Variants in CFAP58 observed in about 807,000 individuals in gnomAD.
The protein encoded by CFAP58 is cilia and flagella associated protein 58.
In CFAP58, 88 loss-of-function variants were observed where a neutral mutation model predicts 119.5. The ratio of observed to expected loss-of-function variants is 0.74; its 90% CI spans 0.62 to 0.88. The LOEUF (loss-of-function observed/expected upper bound fraction) is 0.88. Ranked by LOEUF, CFAP58 falls within the 40% of genes least tolerant of loss-of-function variation. CFAP58 has a pLI of 0.00. For missense variants in CFAP58, 990 were observed against 1,021.2 expected (o/e 0.97, Z 0.42); for synonymous variants, 365 against 366.3 (o/e 1.00, Z 0.04).
intron 6 of CFAP58, among the ~76,000 whole-genome samples, chr10:104,370,496 C>T (rs1050211576): frequency 6.6e-6 from 1 of 152,060 alleles, no homozygotes; most frequent in Non-Finnish European, 1.5e-5. Context: ...CATCAGATCT[C>T]GTGAGACTTA....
chr10:104,344,723 G>A, the CFAP58 span, among the ~76,000 whole-genome samples: 4 of 152,174 alleles, frequency 2.6e-5, no homozygotes, highest in East Asian at 7.7e-4. Flanking sequence ...ATTTAAAAAG[G>A]TTTGAGGCTT....
chr10:104,437,785 A>C (rs1250174655), intron 15 of CFAP58, among the ~76,000 whole-genome samples: 4 of 152,216 alleles, frequency 2.6e-5, no homozygotes, highest in African/African-American at 9.6e-5. Context: ...GCTAACAGAA[A>C]TATTTTAAAA....
intron 15 of CFAP58, among the ~76,000 whole-genome samples, chr10:104,420,785 C>T (rs540951284): frequency 5.9e-5 from 8 of 135,512 alleles, no homozygotes; most frequent in East Asian, 4.4e-4. Context: ...CAGCGTCTCA[C>T]TCTGGTGTTC....
chr10:104,426,192 T>C (rs1028043068), intron 15 of CFAP58, among the ~76,000 whole-genome samples: 1 of 152,196 alleles, frequency 6.6e-6, no homozygotes, highest in Admixed American at 6.5e-5. Context: ...TGAGCTGTGA[T>C]GGTTTCAGTG....
chr10:104,382,324 G>C, intron 9 of CFAP58: 1 of 590,960 alleles, frequency 1.7e-6, no homozygotes, highest in South Asian at 2.1e-5. Flanking sequence ...GGGCCCTGTA[G>C]GGTGAGGCAG....
the CFAP58 span, among the ~76,000 whole-genome samples, chr10:104,348,308 G>A: frequency 1.3e-5 from 2 of 152,136 alleles, no homozygotes; most frequent in African/African-American, 4.8e-5. Context: ...AGGCCTGCAA[G>A]TCAGTGTTTC....
chr10:104,437,320 G>A (rs1346106857), intron 15 of CFAP58, among the ~76,000 whole-genome samples: 2 of 152,182 alleles, frequency 1.3e-5, no homozygotes, highest in Non-Finnish European at 2.9e-5. Context: ...TCTCTCAAAT[G>A]TGAGATTGTG....
chr10:104,415,151 C>T (rs2012529383), intron 15 of CFAP58, among the ~76,000 whole-genome samples: 1 of 152,142 alleles, frequency 6.6e-6, no homozygotes, highest in Non-Finnish European at 1.5e-5. Context: ...CTAAGCAAGG[C>T]TCTGGAGTGG....
chr10:104,400,889 T>G lies in CFAP58; in HGVS notation c.2025T>G (p.Asn675Lys). The change falls in exon 13 of 18, where the codon AAT becomes AAG. Residue 675 changes from asparagine to lysine, a missense_variant. Transcript: ENST00000369704. ...GGATTCTTGCCAGGAGTATGGCTAATGTTGAAGAACTCAGGTAATAGATTA... is the reference window on the plus strand; with the variant it reads ...GGATTCTTGCCAGGAGTATGGCTAAGGTTGAAGAACTCAGGTAATAGATTA... ...EKGILARSMANVEELRQEFFH... is the reference protein window; with the variant it reads ...EKGILARSMAKVEELRQEFFH... 1 of 1,613,880 alleles carries G rather than the reference T, an allele frequency of 6.2e-7. No individual in the cohort carries two copies. The highest frequency in any genetic ancestry group is 8.5e-7 in the Non-Finnish European group (1 of 1,179,792).
chr10:104,401,126 G>A (rs2012257381), intron 13 of CFAP58, among the ~76,000 whole-genome samples: 1 of 152,166 alleles, frequency 6.6e-6, no homozygotes, highest in African/African-American at 2.4e-5. Context: ...TTTCGGGGGG[G>A]TAAGGGCGAG....
chr10:104,364,755 AAAG>A lies in CFAP58; in HGVS notation c.470_472del (p.Glu157del), dbSNP rs1386337790. ...TAGCATCCGAGATTTACTGAGGTTC[AAAG>A]AAGAAGTGACAAAGGAGAGAGACCA... On this transcript the variant is annotated inframe_deletion, in exon 4 of 18. Transcript: ENST00000369704. 1 of 1,613,264 alleles carries A rather than the reference AAAG, an allele frequency of 6.2e-7. No homozygotes were observed. The highest frequency in any genetic ancestry group is 8.5e-7 in the Non-Finnish European group (1 of 1,179,692).
At chr10:104,411,438 T>C (rs911030656) in intron 15 of CFAP58, among the ~76,000 whole-genome samples, 2 of 152,196 alleles carry the variant, frequency 1.3e-5, no homozygotes, top group South Asian at 2.1e-4. Context: ...TGTTCTATTA[T>C]TGAAGTTCTC....
At chr10:104,392,488 T>C in intron 10 of CFAP58, 94 bp downstream of exon 10, 1 of 876,698 alleles carries the variant, frequency 1.1e-6, no homozygotes, top group East Asian at 3.0e-5. Flanking sequence ...TTAGAATAGA[T>C]TAAAAAAAAA....
chr10:104,413,759 T>C (rs2012499365), intron 15 of CFAP58, among the ~76,000 whole-genome samples: 2 of 149,224 alleles, frequency 1.3e-5, no homozygotes, highest in African/African-American at 5.1e-5. Flanking sequence ...CAAGATGGCA[T>C]TTCTAATAAT....
chr10:104,432,712 A>T (rs955941899), intron 15 of CFAP58, among the ~76,000 whole-genome samples: 1 of 152,188 alleles, frequency 6.6e-6, no homozygotes, highest in Non-Finnish European at 1.5e-5. Flanking sequence ...CATGTTGGCC[A>T]GGATGGTCTC....
At chr10:104,374,420 C>CA (rs1249000295) in intron 7 of CFAP58, among the ~76,000 whole-genome samples, 1 of 135,166 alleles carries the variant, frequency 7.4e-6, no homozygotes, top group Non-Finnish European at 1.5e-5. Flanking sequence ...CACTGCACTC[C>CA]AGCCTGGGTG....
chr10:104,444,611 C>T (rs1419370756), intron 15 of CFAP58, among the ~76,000 whole-genome samples: 1 of 152,198 alleles, frequency 6.6e-6, no homozygotes, highest in Non-Finnish European at 1.5e-5. Flanking sequence ...ATCTAAATTA[C>T]TAGCACATTC....
At position 104,357,800 on chromosome 10, in the gene CFAP58, TACAC is replaced by T. The variant is rs201796960; in HGVS notation, c.10-537_10-534del. 3.5e-5 allele frequency among the ~76,000 whole-genome samples: 5 copies of T among 141,986 alleles called. 1 individual carries two copies. Among genetic ancestry groups the T allele is most frequent in the African/African-American group, 1.5e-4 (5 of 32,706 alleles). 93.1% of individuals were successfully genotyped at this position (141,986 alleles called of 152,430 possible). ...ATATGTGTGTTTATATACATATATA[TACAC>T]ACATATATATGTACATATATACACA... is the stretch of plus-strand genomic sequence containing the variant. On this transcript the variant is annotated intron_variant, in intron 1 of 17. Transcript: ENST00000369704.
chr10:104,416,657 T>A (rs1225844540), intron 15 of CFAP58, among the ~76,000 whole-genome samples: 1 of 152,212 alleles, frequency 6.6e-6, no homozygotes, highest in Non-Finnish European at 1.5e-5. Flanking sequence ...TTGTTTAATA[T>A]TTACACTGTG....
Sources: gnomAD v4.1 joint callset for allele counts (sites outside exome capture counted in the v4.1 genomes callset) on GRCh38, gnomAD v4.1.1 for gene constraint, MANE v1.5 for transcripts, NCBI Gene and HGNC (gene_info 2026-07-23, HGNC 2026-07-21) for gene names.